Variants in ACOXL observed in about 807,000 individuals in gnomAD.
ACOXL encodes the protein acyl-CoA oxidase like, also known as acyl-coenzyme A oxidase-like protein.
ACOXL carries 70 observed loss-of-function variants against 71.9 expected under a neutral mutation model. The observed-to-expected ratio is 0.97, with a 90% CI of 0.80 to 1.19. The LOEUF (loss-of-function observed/expected upper bound fraction) is 1.19. Ranked by LOEUF, ACOXL falls within the 50% of genes most tolerant of loss-of-function variation. ACOXL has a pLI of 0.00. For missense variants in ACOXL, 703 were observed against 736.3 expected (o/e 0.95, Z 0.52); for synonymous variants, 253 against 281.6 (o/e 0.90, Z 1.02).
chr2:110,787,990 T>G (rs915272165), intron 3 of ACOXL, among the ~76,000 whole-genome samples: 2 of 152,252 alleles, frequency 1.3e-5, no homozygotes, highest in Non-Finnish European at 2.9e-5. Flanking sequence ...GGAAAACTCC[T>G]TGAAAACTAT....
rs1158738502 is a variant in ACOXL at position 110,798,728 on chromosome 2, T to A, written c.460+4T>A. 6.2e-7 allele frequency: 1 copy of A among 1,611,690 alleles called. No homozygotes were observed. Among genetic ancestry groups the A allele is most frequent in the Non-Finnish European group, 8.5e-7 (1 of 1,177,742 alleles). On this transcript the variant is annotated splice_donor_region_variant and intron_variant, in intron 6 of 17. Coordinates refer to ENST00000439055, the MANE Select transcript of ACOXL (RefSeq NM_001142807.4). ...ATCATAGATGGAAGATCTCAAGGTT[T>A]GTTACCAATACAGACAACTAGAATA...
At chr2:110,884,749 C>G (rs1697083396) in intron 10 of ACOXL, among the ~76,000 whole-genome samples, 1 of 152,018 alleles carries the variant, frequency 6.6e-6, no homozygotes, top group Non-Finnish European at 1.5e-5. Flanking sequence ...AATTGAATCC[C>G]CATGCCATAA....
intron 9 of ACOXL, among the ~76,000 whole-genome samples, chr2:110,810,995 C>A (rs186730723): frequency 6.6e-6 from 1 of 152,182 alleles, no homozygotes; most frequent in Non-Finnish European, 1.5e-5. Context: ...TCATGAGACT[C>A]ACCCACTATC....
chr2:110,751,298 C>CA (rs765632647), intron 1 of ACOXL, among the ~76,000 whole-genome samples: 3,106 of 39,838 alleles, frequency 0.078, 57 homozygotes, highest in Non-Finnish European at 0.12. Context: ...GACTCCGTCT[C>CA]AAAAAAAAAA....
chr2:110,801,842 C>A, intron 8 of ACOXL, 118 bp downstream of exon 8: 1 of 782,534 alleles, frequency 1.3e-6, no homozygotes, highest in Non-Finnish European at 2.1e-6. Context: ...CCTAACCACC[C>A]GTACAGGTTT....
chr2:110,796,768 T>TA (rs1221882045), intron 5 of ACOXL, among the ~76,000 whole-genome samples: 1 of 152,232 alleles, frequency 6.6e-6, no homozygotes, highest in African/African-American at 2.4e-5. Context: ...AGACATCTCT[T>TA]AAAAAGATCC....
intron 12 of ACOXL, among the ~76,000 whole-genome samples, chr2:110,980,183 C>A (rs1006996048): frequency 2.6e-5 from 4 of 152,226 alleles, no homozygotes; most frequent in Admixed American, 6.5e-5. Flanking sequence ...GGGACCATCA[C>A]CTGTACCTTG....
At chr2:111,060,320 C>G (rs1019669550) in intron 16 of ACOXL, among the ~76,000 whole-genome samples, 2 of 152,030 alleles carry the variant, frequency 1.3e-5, no homozygotes, top group African/African-American at 4.8e-5. Flanking sequence ...ACCACTGGCT[C>G]CAATAGTAAT....
chr2:110,946,892 T>A (rs1291309271), intron 12 of ACOXL, among the ~76,000 whole-genome samples: 5 of 152,120 alleles, frequency 3.3e-5, no homozygotes, highest in Non-Finnish European at 2.9e-5. Flanking sequence ...GAGGTGGGAT[T>A]TGGTTAAATT....
intron 10 of ACOXL, among the ~76,000 whole-genome samples, chr2:110,872,918 C>T (rs532968305): frequency 4.5e-4 from 69 of 152,342 alleles, no homozygotes; most frequent in African/African-American, 1.6e-3. Flanking sequence ...GAGAGTGACA[C>T]CTCACGGGGC....
At chr2:110,818,419 A>ATGTGTG (rs1485183767) in intron 9 of ACOXL, among the ~76,000 whole-genome samples, 5 of 141,738 alleles carry the variant, frequency 3.5e-5, no homozygotes, top group African/African-American at 1.3e-4. Context: ...ACATATATAT[A>ATGTGTG]TATATGTGTG....
chr2:110,979,863 G>A (rs2062625351), intron 12 of ACOXL, among the ~76,000 whole-genome samples: 1 of 152,186 alleles, frequency 6.6e-6, no homozygotes, highest in Admixed American at 6.5e-5. Context: ...TCGCTTTGGG[G>A]GAACATTGGT....
intron 10 of ACOXL, among the ~76,000 whole-genome samples, chr2:110,877,714 C>A (rs553244678): frequency 6.6e-6 from 1 of 152,166 alleles, no homozygotes; most frequent in East Asian, 1.9e-4. Flanking sequence ...TGTGCATTAC[C>A]GGAAACCCTG....
intron 1 of ACOXL, among the ~76,000 whole-genome samples, chr2:110,748,050 C>T (rs1172781004): frequency 2.0e-5 from 3 of 152,190 alleles, no homozygotes; most frequent in African/African-American, 7.2e-5. Flanking sequence ...CAGAAAACAA[C>T]CATGCCATCC....
intron 12 of ACOXL, among the ~76,000 whole-genome samples, chr2:110,971,504 A>T (rs1280401511): frequency 6.6e-6 from 1 of 152,238 alleles, no homozygotes; most frequent in African/African-American, 2.4e-5. Context: ...AATTTTGTAA[A>T]AAGGTATAAA....
At chr2:110,856,153 TAC>T (rs1693218053) in intron 10 of ACOXL, among the ~76,000 whole-genome samples, 1 of 152,172 alleles carries the variant, frequency 6.6e-6, no homozygotes, top group Admixed American at 6.5e-5. Flanking sequence ...CAATCCGAGC[TAC>T]AGAATGCTAA....
At chr2:110,831,629 A>C (rs1012752752) in intron 9 of ACOXL, among the ~76,000 whole-genome samples, 1 of 152,240 alleles carries the variant, frequency 6.6e-6, no homozygotes, top group Non-Finnish European at 1.5e-5. Context: ...ATAGATAAAC[A>C]ATTCTGAAAA....
At chr2:111,093,393 C>T in intron 17 of ACOXL, 2 of 1,548,864 alleles carry the variant, frequency 1.3e-6, no homozygotes, top group South Asian at 1.2e-5. Flanking sequence ...AAGGTGAGGC[C>T]AGTATTCACC....
chr2:110,994,606 T>C (rs1479819895), intron 13 of ACOXL, among the ~76,000 whole-genome samples: 1 of 152,156 alleles, frequency 6.6e-6, no homozygotes, highest in Non-Finnish European at 1.5e-5. Context: ...TAAAGGTTCA[T>C]GGTGGGTCCA....
Sources: allele counts gnomAD v4.1 joint callset (sites outside exome capture counted in the v4.1 genomes callset), GRCh38; gene constraint gnomAD v4.1.1; transcripts MANE v1.5; gene names NCBI Gene and HGNC (gene_info 2026-07-23, HGNC 2026-07-21).